The following DNAH7 variants were observed in gnomAD, a reference collection of about 807,000 sequenced individuals.
The protein encoded by DNAH7 is axonemal beta dynein heavy chain 7.
A neutral mutation model predicts 444.6 loss-of-function variants in DNAH7; 397 were observed. That is an observed-to-expected ratio of 0.89 (90% CI 0.82 to 0.97). DNAH7 has a LOEUF of 0.97. Among genes scored for constraint, DNAH7 ranks in the 50% least tolerant of loss-of-function variants. The pLI is 0.00. For missense variants in DNAH7, 4,902 were observed against 4,800.8 expected (o/e 1.02, Z -0.62); for synonymous variants, 1,636 against 1,624.4 (o/e 1.01, Z -0.17).
intron 19 of DNAH7, among the ~76,000 whole-genome samples, chr2:195,938,033 C>T (rs1421879116): frequency 1.3e-5 from 2 of 151,996 alleles, no homozygotes; most frequent in African/African-American, 4.8e-5. Flanking sequence ...TGAGAGATAA[C>T]CAAAAATGTA....
chr2:195,858,714 C>T lies in DNAH7; in HGVS notation c.7827G>A (p.Leu2609=). 6.2e-7 allele frequency: 1 copy of T among 1,613,990 alleles called. No individual in the cohort carries two copies. The highest frequency in any genetic ancestry group is 8.5e-7 in the Non-Finnish European group (1 of 1,179,896). The change falls in exon 43 of 65, where the codon TTG becomes TTA. Residue 2609 remains leucine (L), a synonymous_variant. Coordinates refer to ENST00000312428, the MANE Select transcript of DNAH7 (RefSeq NM_018897.3). ...CTTTTAATTGAGGATGTAGTGCCTC[C>T]AACTCCATCTGCATTGTGGCTACTT... ...SSQVATMQME[L]EALHPQLKVA... is the part of the protein sequence containing the mutation.
chr2:195,759,778 G>A (rs1694263197), intron 61 of DNAH7, among the ~76,000 whole-genome samples: 1 of 152,090 alleles, frequency 6.6e-6, no homozygotes, highest in Non-Finnish European at 1.5e-5. Context: ...CTTGAACCTG[G>A]GAGGTTGAGG....
chr2:195,808,723 T>C lies in DNAH7; in HGVS notation c.10042A>G (p.Met3348Val), dbSNP rs757345873. Residue 3348 changes from methionine to valine, a missense_variant, in exon 53 of 65, where the codon ATG becomes GTG. Coordinates refer to ENST00000312428, the MANE Select transcript of DNAH7 (RefSeq NM_018897.3). Reference sequence around the variant, plus strand: ...TTCTTCCATCCATCCTTTAAGCGCATAAACTCTCTACGAATGGTTTTGAAG... The same window carrying C: ...TTCTTCCATCCATCCTTTAAGCGCACAAACTCTCTACGAATGGTTTTGAAG... ...PAFKTIRREFMRLKDGWKKVY... is the reference protein window; with the variant it reads ...PAFKTIRREFVRLKDGWKKVY... The C allele has an allele frequency of 5.6e-6, 9 of 1,613,916 alleles. No homozygotes were observed. The highest frequency in any genetic ancestry group is 1.3e-5 in the African/African-American group (1 of 74,928).
At chr2:195,740,570 A>G (rs1278636979) in intron 64 of DNAH7, among the ~76,000 whole-genome samples, 196 bp downstream of exon 64, 1 of 148,916 alleles carries the variant, frequency 6.7e-6, no homozygotes, top group Non-Finnish European at 1.5e-5. Context: ...CATGAATAAC[A>G]AGAATTGACT....
At chr2:195,835,295 A>C (rs933900642) in intron 47 of DNAH7, among the ~76,000 whole-genome samples, 3 of 152,080 alleles carry the variant, frequency 2.0e-5, no homozygotes, top group African/African-American at 7.2e-5. Context: ...TTAAGTAAAA[A>C]AAAACCCACA....
At chr2:195,985,278 G>C (rs1172889759) in intron 14 of DNAH7, among the ~76,000 whole-genome samples, 1 of 152,216 alleles carries the variant, frequency 6.6e-6, no homozygotes, top group Non-Finnish European at 1.5e-5. Flanking sequence ...CAGTAAGATT[G>C]GCTGAAAGGT....
intron 24 of DNAH7, among the ~76,000 whole-genome samples, chr2:195,921,314 T>C (rs555785060): frequency 6.7e-6 from 1 of 148,574 alleles, no homozygotes; most frequent in South Asian, 2.1e-4. Context: ...CCAGCCCAAA[T>C]GCCCATCAGT....
At chr2:195,896,970 T>C (rs2125248111) in intron 29 of DNAH7, among the ~76,000 whole-genome samples, 1 of 152,254 alleles carries the variant, frequency 6.6e-6, no homozygotes, top group East Asian at 1.9e-4. Context: ...TGCAGAAGAA[T>C]GAAACTAGAT....
At chr2:195,827,653 T>C (rs766286339) in intron 48 of DNAH7, among the ~76,000 whole-genome samples, 1 of 152,074 alleles carries the variant, frequency 6.6e-6, no homozygotes, top group Non-Finnish European at 1.5e-5. Context: ...GTGATCACAG[T>C]TCACTCTAGC....
At chr2:195,999,056 G>C in intron 12 of DNAH7, 1 of 710,900 alleles carries the variant, frequency 1.4e-6, no homozygotes, top group South Asian at 1.5e-5. Context: ...GGGCTGCCAG[G>C]AAACAAAGCC....
At chr2:196,001,572 G>A in intron 11 of DNAH7, 103 bp downstream of exon 11, 2 of 1,125,326 alleles carry the variant, frequency 1.8e-6, no homozygotes, top group Non-Finnish European at 2.4e-6. Flanking sequence ...GTCTAAAGAT[G>A]TACTTTCTGC....
chr2:195,916,753 G>A (rs954744486), intron 24 of DNAH7, among the ~76,000 whole-genome samples: 3 of 152,036 alleles, frequency 2.0e-5, no homozygotes, highest in Admixed American at 1.3e-4. Flanking sequence ...TGCTACTCGG[G>A]AGGCTGAGGC....
At chr2:196,057,339 A>G (rs1000520777) in intron 2 of DNAH7, among the ~76,000 whole-genome samples, 1 of 152,212 alleles carries the variant, frequency 6.6e-6, no homozygotes, top group African/African-American at 2.4e-5. Flanking sequence ...ATATTTATTC[A>G]GCAAGTAAAT....
chr2:195,782,154 T>G (rs963563181), intron 58 of DNAH7, among the ~76,000 whole-genome samples: 5 of 152,188 alleles, frequency 3.3e-5, no homozygotes, highest in Admixed American at 3.3e-4. Flanking sequence ...AGAAATTATA[T>G]ATGAAGAATC....
At chr2:196,026,113 A>C (rs1252183363) in intron 7 of DNAH7, among the ~76,000 whole-genome samples, 1 of 152,216 alleles carries the variant, frequency 6.6e-6, no homozygotes, top group Non-Finnish European at 1.5e-5. Flanking sequence ...TTTGTGGGCC[A>C]CAAGGACTCT....
Position 195,990,809 on chromosome 2 carries a change from G to A in DNAH7, c.1354-2580C>T, listed in dbSNP as rs868353086. Among the ~76,000 whole-genome samples, 8 of 126,984 alleles carry A rather than the reference G, an allele frequency of 6.3e-5. 1 individual carries two copies. The highest frequency in any genetic ancestry group is 2.0e-4 in the African/African-American group (7 of 34,542). The allele number at this position is 126,984 out of a possible 152,430, so 83.3% of individuals were successfully genotyped here. A position where few individuals can be genotyped will look rare whatever the true frequency, so the allele number is the denominator to read the frequency against. On this transcript the variant is annotated intron_variant, in intron 12 of 64. Transcript: ENST00000312428. ...TGTGTGTGTGTGTGTGTGTGTGTGT[G>A]TGTATATATATATACTTAAATATAT... is the stretch of plus-strand genomic sequence containing the variant.
intron 18 of DNAH7, among the ~76,000 whole-genome samples, chr2:195,959,011 A>G (rs1468574460): frequency 1.3e-5 from 2 of 152,200 alleles, no homozygotes; most frequent in East Asian, 3.8e-4. Flanking sequence ...CAGTGAGCTG[A>G]GATCGTGCCA....
chr2:195,742,387 T>A (rs1693097392), intron 63 of DNAH7, among the ~76,000 whole-genome samples: 1 of 152,220 alleles, frequency 6.6e-6, no homozygotes, highest in Non-Finnish European at 1.5e-5. Context: ...AATTTCTGCC[T>A]CTAACCAATC....
intron 47 of DNAH7, among the ~76,000 whole-genome samples, chr2:195,840,614 T>A (rs1356664245): frequency 6.6e-6 from 1 of 151,840 alleles, no homozygotes; most frequent in Non-Finnish European, 1.5e-5. Flanking sequence ...CCAATATATC[T>A]ACATAAAAGA....
Sources: gnomAD v4.1 joint callset for allele counts (sites outside exome capture counted in the v4.1 genomes callset) on GRCh38, gnomAD v4.1.1 for gene constraint, MANE v1.5 for transcripts, NCBI Gene and HGNC (gene_info 2026-07-23, HGNC 2026-07-21) for gene names.